Variants in AVIL observed in about 807,000 individuals in gnomAD.
AVIL encodes the protein advillin.
A neutral mutation model predicts 109.9 loss-of-function variants in AVIL; 78 were observed. The ratio of observed to expected loss-of-function variants is 0.71; its 90% CI spans 0.59 to 0.86. AVIL has a LOEUF of 0.86. AVIL is among the 40% of genes least tolerant of loss of function. The pLI is 0.00. For synonymous variants in AVIL, 367 were observed against 379.1 expected, an observed-to-expected ratio of 0.97 and a Z score of 0.37; for missense variants, 892 against 1,016.5, an observed-to-expected ratio of 0.88 and a Z score of 1.67.
intron 18 of AVIL, chr12:57,800,644 GTTGCC>G (rs1426693973): frequency 6.5e-6 from 1 of 153,122 alleles, no homozygotes; most frequent in African/African-American, 2.4e-5. Flanking sequence ...CTCTCGCTCT[GTTGCC>G]CAGGCTGGAG....
At chr12:57,803,146 C>T (rs1955883998) in intron 16 of AVIL, 101 bp downstream of exon 16, 2 of 1,476,480 alleles carry the variant, frequency 1.4e-6, no homozygotes, top group African/African-American at 1.4e-5. Flanking sequence ...GGGGATGGTC[C>T]AGGGCTACCC....
At position 57,803,324 on chromosome 12, in the gene AVIL, C is replaced by T. The variant is rs765836504; in HGVS notation, c.1885G>A (p.Val629Ile). ...GTGAAGTCTGTGATCTCAGTGACAA[C>T]GAATTGGCCGGTCTTATTGGAACAT... The part of the protein sequence containing the change: ...FECSNKTGQF[V>I]VTEITDFTQD... The change falls in exon 16 of 20, where the codon GTT becomes ATT. Residue 629 changes from valine to isoleucine, a missense_variant. Coordinates refer to ENST00000549994, the MANE Select transcript of AVIL (RefSeq NM_006576.4). 13 of 1,614,034 alleles carry T rather than the reference C, an allele frequency of 8.1e-6. No homozygotes were observed. Among genetic ancestry groups the T allele is most frequent in the South Asian group, 4.4e-5 (4 of 91,078 alleles).
intron 6 of AVIL, 110 bp from the exon 7 acceptor site, chr12:57,810,661 G>T: frequency 7.1e-7 from 1 of 1,400,096 alleles, no homozygotes; most frequent in Non-Finnish European, 9.9e-7. Context: ...TGGATGCTGA[G>T]GAGTCCAGGG....
chr12:57,817,418 C>G (rs950480384), intron 1 of AVIL, among the ~76,000 whole-genome samples: 1 of 151,270 alleles, frequency 6.6e-6, no homozygotes, highest in African/African-American at 2.4e-5. Context: ...CTCGCTTTGT[C>G]TACTGCTGTA....
At chr12:57,798,900 C>T (rs569067888) in intron 19 of AVIL, among the ~76,000 whole-genome samples, 3 of 152,302 alleles carry the variant, frequency 2.0e-5, no homozygotes, top group African/African-American at 4.8e-5. Flanking sequence ...CAGGTATGAG[C>T]CACCGTGCCC....
intron 4 of AVIL, among the ~76,000 whole-genome samples, chr12:57,812,251 C>T (rs1353961056): frequency 6.6e-6 from 1 of 152,202 alleles, no homozygotes; most frequent in Non-Finnish European, 1.5e-5. Context: ...CTAGGCTGAT[C>T]TTGAACTCTT....
Position 57,797,983 on chromosome 12 carries a change from C to T in AVIL, c.2359G>A (p.Glu787Lys), listed in dbSNP as rs985174336. ...NPAKKENYLS[E>K]QDFVSVFGIT... ...CCAAACACAGACACAAAGTCCTGTT[C>T]AGAGAGGTAATTCTAAGAGAGAAAA... is the stretch of plus-strand genomic sequence containing the variant. The change falls in exon 20 of 20, where the codon GAA becomes AAA. Residue 787 changes from glutamate (E) to lysine (K), a missense_variant. Glu to Lys is a moderately conservative substitution (Grantham distance 56, BLOSUM62 1). Coordinates refer to ENST00000549994, the MANE Select transcript of AVIL (RefSeq NM_006576.4). 6.2e-7 allele frequency: 1 copy of T among 1,607,932 alleles called. No individual in the cohort carries two copies. Among genetic ancestry groups the T allele is most frequent in the Non-Finnish European group, 8.5e-7 (1 of 1,177,134 alleles).
At position 57,807,606 on chromosome 12, in the gene AVIL, A is replaced by G; in HGVS notation, c.1316T>C (p.Ile439Thr). Reference sequence around the variant, plus strand: ...CAGGCCTACCTGCCAGATGTACAAGATGTGATGTGGCTTCCCATTTACCTC... The same window carrying G: ...CAGGCCTACCTGCCAGATGTACAAGGTGTGATGTGGCTTCCCATTTACCTC... ...TYEVNGKPHH[I>T]LYIWQGRHAS... is the part of the protein sequence containing the mutation. The change falls in exon 12 of 20, where the codon ATC (isoleucine) becomes ACC (threonine). Residue 439 changes from isoleucine (I) to threonine (T), a missense_variant. Physicochemically the swap from Ile to Thr is moderately conservative, Grantham distance 89. Coordinates refer to ENST00000549994, the MANE Select transcript of AVIL (RefSeq NM_006576.4). 3.1e-6 allele frequency: 5 copies of G among 1,614,234 alleles called. No homozygotes were observed. The highest frequency in any genetic ancestry group is 4.2e-6 in the Non-Finnish European group (5 of 1,180,040).
At chr12:57,813,998 TA>T (rs1555208620) in intron 3 of AVIL, among the ~76,000 whole-genome samples, 153 bp downstream of exon 3, 1 of 152,144 alleles carries the variant, frequency 6.6e-6, no homozygotes, top group Non-Finnish European at 1.5e-5. Context: ...TGGCCTTTGA[TA>T]GTCAGACTGG....
chr12:57,815,298 A>G (rs1956087840), intron 2 of AVIL, among the ~76,000 whole-genome samples: 1 of 152,218 alleles, frequency 6.6e-6, no homozygotes, highest in African/African-American at 2.4e-5. Context: ...AAACAGTGGA[A>G]GTGACCTGGG....
chr12:57,813,678 G>A (rs1230090135), intron 3 of AVIL, among the ~76,000 whole-genome samples: 2 of 152,156 alleles, frequency 1.3e-5, no homozygotes, highest in African/African-American at 4.8e-5. Flanking sequence ...AGATACCAAC[G>A]GGGATCTTTT....
chr12:57,797,747 C>T lies in AVIL; in HGVS notation c.*135G>A. 5.5e-6 allele frequency: 4 copies of T among 727,838 alleles called. No individual in the cohort carries two copies. Among genetic ancestry groups the T allele is most frequent in the Non-Finnish European group, 7.8e-6 (4 of 513,094 alleles). The allele number at this position is 727,838 out of a possible 1,614,324, so 45.1% of individuals were successfully genotyped here. On this transcript the variant is annotated 3_prime_UTR_variant, in exon 20 of 20. Coordinates refer to ENST00000549994, the MANE Select transcript of AVIL (RefSeq NM_006576.4). The stretch of plus-strand genomic sequence containing the variant: ...AGGATGAGAAAAAATGGAGAACATG[C>T]CGTGATTTGCAGACTCTATTATATC...
intron 1 of AVIL, among the ~76,000 whole-genome samples, chr12:57,817,509 G>C (rs777075531): frequency 2.2e-4 from 34 of 151,966 alleles, no homozygotes; most frequent in Admixed American, 4.6e-4. Context: ...CCCACCCTGT[G>C]CTGCTCAGAA....
chr12:57,801,128 A>G lies in AVIL; in HGVS notation c.2220+16T>C, dbSNP rs756040590. 6.2e-7 allele frequency: 1 copy of G among 1,612,170 alleles called. No homozygotes were observed. Among genetic ancestry groups the G allele is most frequent in the East Asian group, 2.2e-5 (1 of 44,870 alleles). On this transcript the variant is annotated intron_variant, in intron 18 of 19. Transcript: ENST00000549994. ...GCCCATGTGGCTGGCTTCTCCCAAG[A>G]GCGAACCCGACTCACAGCAGTGATT...
chr12:57,806,133 C>CTTT (rs372846869), intron 14 of AVIL: 4,628 of 141,962 alleles, frequency 0.033, 79 homozygotes, highest in South Asian at 0.047. Context: ...CCGTGCCCAG[C>CTTT]TTTTTTTTTT....
intron 19 of AVIL, 39 bp downstream of exon 19, chr12:57,799,756 G>C (rs1387644202): frequency 1.2e-6 from 2 of 1,611,596 alleles, no homozygotes; most frequent in Non-Finnish European, 1.7e-6. Flanking sequence ...CTCACGGAGA[G>C]CTCCACTTCC....
At position 57,813,207 on chromosome 12, in the gene AVIL, C is replaced by T. The variant is rs761381664; in HGVS notation, c.338+20G>A. The T allele has an allele frequency of 8.2e-5, 130 of 1,589,848 alleles. No homozygotes were observed. The highest frequency in any genetic ancestry group is 1.0e-4 in the Non-Finnish European group (119 of 1,163,230). ...CTGTAAACTGCTGTTTCTGTCCTTG[C>T]TCTGTGCACCCCTACTCACATGATG... On this transcript the variant is annotated intron_variant, in intron 4 of 19. Coordinates refer to ENST00000549994, the MANE Select transcript of AVIL (RefSeq NM_006576.4).
At position 57,813,239 on chromosome 12, in the gene AVIL, T is replaced by C; in HGVS notation, c.326A>G (p.Lys109Arg). 6.2e-7 allele frequency: 1 copy of C among 1,613,264 alleles called. No homozygotes were observed. The highest frequency in any genetic ancestry group is 8.5e-7 in the Non-Finnish European group (1 of 1,179,402). The change falls in exon 4 of 20, where the codon AAG becomes AGG. Residue 109 changes from lysine (K) to arginine (R), a missense_variant. Physicochemically the swap from Lys to Arg is conservative, Grantham distance 26 (BLOSUM62 2). Coordinates refer to ENST00000549994, the MANE Select transcript of AVIL (RefSeq NM_006576.4). ...CACCCCTACTCACATGATGCCCTGC[T>C]TGAAGTAGCCACGGAAAGTGTCTGA... Reference protein sequence around the residue: ...HESDTFRGYFKQGIIYKQGGV... With the variant: ...HESDTFRGYFRQGIIYKQGGV...
chr12:57,818,170 C>T (rs1430369370), intron 1 of AVIL, among the ~76,000 whole-genome samples: 1 of 133,060 alleles, frequency 7.5e-6, no homozygotes, highest in Non-Finnish European at 1.6e-5. Context: ...AGGTGTGCAC[C>T]ACCATGCTTG....
Sources: gnomAD v4.1 joint callset for allele counts (sites outside exome capture counted in the v4.1 genomes callset) on GRCh38, gnomAD v4.1.1 for gene constraint, MANE v1.5 for transcripts, NCBI Gene and HGNC (gene_info 2026-07-23, HGNC 2026-07-21) for gene names.